The following TENM2 variants were observed in gnomAD, a reference collection of about 807,000 sequenced individuals.
The protein encoded by TENM2 is teneurin transmembrane protein 2, also known as teneurin-2.
In TENM2, 52 loss-of-function variants were observed where a neutral mutation model predicts 245.2. The observed-to-expected ratio is 0.21, with a 90% CI of 0.17 to 0.27. The LOEUF is 0.27. Among genes scored for constraint, TENM2 ranks in the 10% least tolerant of loss-of-function variants. TENM2 has a pLI of 1.00. For missense variants in TENM2, 3,046 were observed against 3,666.8 expected (o/e 0.83, Z 4.37); for synonymous variants, 1,363 against 1,438.9 (o/e 0.95, Z 1.19).
At chr5:167,892,684 G>GC (rs1259575913) in intron 3 of TENM2, among the ~76,000 whole-genome samples, 1 of 152,170 alleles carries the variant, frequency 6.6e-6, no homozygotes, top group Non-Finnish European at 1.5e-5. Context: ...GGAAGCCCAT[G>GC]CCCTCATTTT....
At chr5:167,025,848 G>A in the TENM2 span, among the ~76,000 whole-genome samples, 2 of 151,940 alleles carry the variant, frequency 1.3e-5, no homozygotes, top group East Asian at 1.9e-4. Context: ...TATATAATCC[G>A]CTTCTCATTA....
chr5:167,670,361 C>T (rs939373320), intron 2 of TENM2, among the ~76,000 whole-genome samples: 2 of 152,088 alleles, frequency 1.3e-5, no homozygotes, highest in Non-Finnish European at 2.9e-5. Context: ...CATTATAAAG[C>T]GCAATGTGAT....
At chr5:167,577,307 C>A (rs934083944) in intron 2 of TENM2, among the ~76,000 whole-genome samples, 2 of 152,098 alleles carry the variant, frequency 1.3e-5, no homozygotes, top group African/African-American at 4.8e-5. Context: ...AAGGGTGTAA[C>A]CTATGTTGGA....
At chr5:166,995,814 C>CAAAAA in the TENM2 span, among the ~76,000 whole-genome samples, 6 of 59,266 alleles carry the variant, frequency 1.0e-4, 1 homozygote, top group East Asian at 1.1e-3. Flanking sequence ...GACTCCATCT[C>CAAAAA]AAAAAAAAAA....
chr5:167,503,195 A>G (rs986758797), intron 2 of TENM2, among the ~76,000 whole-genome samples: 2 of 152,186 alleles, frequency 1.3e-5, no homozygotes, highest in African/African-American at 4.8e-5. Flanking sequence ...ACAGTAAGCA[A>G]TTGAGTTAAA....
chr5:167,898,427 T>A (rs1463757404), intron 3 of TENM2, among the ~76,000 whole-genome samples: 1 of 152,142 alleles, frequency 6.6e-6, no homozygotes, highest in African/African-American at 2.4e-5. Context: ...AAGCTTAAAT[T>A]GGCAGCCTAG....
chr5:167,180,001 C>T, the TENM2 span, among the ~76,000 whole-genome samples: 1 of 152,018 alleles, frequency 6.6e-6, no homozygotes, highest in African/African-American at 2.4e-5. Flanking sequence ...AAGGAGCCAA[C>T]TTGGGCCAAG....
At chr5:167,273,461 G>A in the TENM2 span, among the ~76,000 whole-genome samples, 1 of 152,056 alleles carries the variant, frequency 6.6e-6, no homozygotes. Flanking sequence ...ATGAATTGTT[G>A]ACCTTAACTT....
intron 2 of TENM2, among the ~76,000 whole-genome samples, chr5:167,594,060 C>T (rs1035347676): frequency 6.6e-6 from 1 of 151,934 alleles, no homozygotes; most frequent in Admixed American, 6.6e-5. Context: ...TTGTATGTTC[C>T]CTGCTTGATG....
intron 2 of TENM2, among the ~76,000 whole-genome samples, chr5:167,730,833 C>G (rs550477762): frequency 6.6e-6 from 1 of 152,188 alleles, no homozygotes; most frequent in Non-Finnish European, 1.5e-5. Flanking sequence ...CTGGCTGTTA[C>G]ATTTATCCTT....
chr5:167,103,396 T>C, the TENM2 span, among the ~76,000 whole-genome samples: 6 of 152,360 alleles, frequency 3.9e-5, no homozygotes, highest in South Asian at 1.2e-3. Flanking sequence ...GGAAGTTTCT[T>C]TAACTTACTG....
chr5:167,353,546 C>T (rs542060832), intron 1 of TENM2, among the ~76,000 whole-genome samples: 8 of 107,204 alleles, frequency 7.5e-5, no homozygotes, highest in Admixed American at 4.6e-4. Context: ...CTCGCTCTGT[C>T]GCCCAGGCTG....
the TENM2 span, among the ~76,000 whole-genome samples, chr5:167,147,165 T>A: frequency 6.6e-6 from 1 of 152,186 alleles, no homozygotes; most frequent in Non-Finnish European, 1.5e-5. Context: ...CTAGGCATAG[T>A]GCTTAAAAGA....
At chr5:167,102,782 C>G in the TENM2 span, among the ~76,000 whole-genome samples, 1 of 152,206 alleles carries the variant, frequency 6.6e-6, no homozygotes, top group Non-Finnish European at 1.5e-5. Flanking sequence ...CCTCAGCCTC[C>G]CGAGTAGCTG....
chr5:167,993,362 G>A (rs1783814110), intron 5 of TENM2, among the ~76,000 whole-genome samples, 180 bp downstream of exon 7: 1 of 152,174 alleles, frequency 6.6e-6, no homozygotes, highest in Admixed American at 6.5e-5. Flanking sequence ...ACTTAAATCT[G>A]ATGAGTTTCT....
the TENM2 span, among the ~76,000 whole-genome samples, chr5:167,180,011 G>A: frequency 6.6e-6 from 1 of 152,108 alleles, no homozygotes; most frequent in Non-Finnish European, 1.5e-5. Flanking sequence ...CTTGGGCCAA[G>A]GCTGAGTCCT....
chr5:167,941,065 A>G (rs1779136779), intron 3 of TENM2, among the ~76,000 whole-genome samples: 1 of 152,248 alleles, frequency 6.6e-6, no homozygotes, highest in Non-Finnish European at 1.5e-5. Flanking sequence ...CAGTAACCCA[A>G]GAAGCCCTGA....
intron 2 of TENM2, among the ~76,000 whole-genome samples, chr5:167,530,267 T>C (rs1282371299): frequency 6.6e-6 from 1 of 152,204 alleles, no homozygotes; most frequent in Non-Finnish European, 1.5e-5. Flanking sequence ...TGAGAAAGAC[T>C]GTTCTAGAAG....
the TENM2 span, among the ~76,000 whole-genome samples, chr5:167,105,031 G>A: frequency 1.3e-5 from 2 of 152,236 alleles, no homozygotes; most frequent in Non-Finnish European, 2.9e-5. Context: ...TTTTTGCTTT[G>A]AATTATTTTA....
Sources: gnomAD v4.1 joint callset for allele counts (sites outside exome capture counted in the v4.1 genomes callset) on GRCh38, gnomAD v4.1.1 for gene constraint, MANE v1.5 for transcripts, NCBI Gene and HGNC (gene_info 2026-07-23, HGNC 2026-07-21) for gene names.